The following EZR variants were observed in gnomAD, a reference collection of about 807,000 sequenced individuals.
EZR encodes the protein cytovillin 2.
A neutral mutation model predicts 74.8 loss-of-function variants in EZR; 40 were observed. The observed-to-expected ratio is 0.53, with a 90% CI of 0.42 to 0.70. The LOEUF (loss-of-function observed/expected upper bound fraction) is 0.70. EZR is among the 30% of genes least tolerant of loss of function. The pLI, the probability that EZR is intolerant of heterozygous loss-of-function variation, is 0.00. For missense variants in EZR, 678 were observed against 755.8 expected, an observed-to-expected ratio of 0.90 and a Z score of 1.21; for synonymous variants, 341 against 283.3, an observed-to-expected ratio of 1.20 and a Z score of -2.05.
At chr6:158,785,192 G>T in intron 5 of EZR, 117 bp downstream of exon 5, 2 of 1,280,312 alleles carry the variant, frequency 1.6e-6, no homozygotes, top group South Asian at 1.4e-5. Context: ...TAGCATGAAG[G>T]AGCACTTGAC....
intron 2 of EZR, among the ~76,000 whole-genome samples, chr6:158,806,369 T>C (rs1777338876): frequency 6.6e-6 from 1 of 152,192 alleles, no homozygotes; most frequent in Admixed American, 6.5e-5. Flanking sequence ...AAATATTCTA[T>C]TATGGAAAGT....
In EZR at chr6:158,813,081, G is replaced by A. The variant is rs537148435; in HGVS notation, c.12+5001C>T. ...TGTCACCTCCCAGTCAAAACCCCAA[G>A]TTAAACTAAAAAACACCCAAGAATG... On this transcript the variant is annotated intron_variant, in intron 2 of 13. Coordinates refer to ENST00000367075, the MANE Select transcript of EZR (RefSeq NM_001111077.2). Among the ~76,000 whole-genome samples the A allele has an allele frequency of 6.3e-4, 96 of 152,172 alleles. No homozygotes were observed. The Middle Eastern group carries it at 0.014, about 22-fold the overall frequency.
At chr6:158,779,763 C>T (rs578011770) in intron 7 of EZR, among the ~76,000 whole-genome samples, 2 of 152,142 alleles carry the variant, frequency 1.3e-5, no homozygotes, top group East Asian at 3.9e-4. Context: ...CGGGGTTTTG[C>T]CATGTTGGCA....
rs929133194 is a variant in EZR, at chr6:158,807,256, G to A, written c.12+10826C>T. On this transcript the variant is annotated intron_variant, in intron 2 of 13. Transcript: ENST00000367075. Reference sequence around the variant, plus strand: ...CGTGAACCCGGGAGGTGGAGCTTGCGGTGAGTCCAGATCACACCACTGCAC... The same window carrying A: ...CGTGAACCCGGGAGGTGGAGCTTGCAGTGAGTCCAGATCACACCACTGCAC... Among the ~76,000 whole-genome samples the A allele has an allele frequency of 1.1e-4, 17 of 151,426 alleles. 1 individual carries two copies. The highest frequency in any genetic ancestry group is 1.7e-4 in the African/African-American group (7 of 41,176).
Position 158,766,834 on chromosome 6 carries a change from G to A in EZR, c.*80C>T, listed in dbSNP as rs1030492982. 2 of 1,328,750 alleles carry A rather than the reference G, an allele frequency of 1.5e-6. No homozygotes were observed. The highest frequency in any genetic ancestry group is 2.3e-5 in the East Asian group (1 of 42,594). 82.3% of individuals were successfully genotyped at this position (1,328,750 alleles called of 1,614,324 possible). The stretch of plus-strand genomic sequence containing the variant: ...GGGATCTGAGGGAGTTCCTAGACTT[G>A]GAGCACTAAAGACACAAGCGTGGCG... On this transcript the variant is annotated 3_prime_UTR_variant, in exon 14 of 14. Transcript: ENST00000367075.
chr6:158,802,080 G>A lies in EZR; in HGVS notation c.13-12709C>T, dbSNP rs141388973. On this transcript the variant is annotated intron_variant, in intron 2 of 13. Coordinates refer to ENST00000367075, the MANE Select transcript of EZR (RefSeq NM_001111077.2). ...ACCAAAAAACGTAACCCACCACAACGTAGTGCCCTTTAGATTGAAACAATC... is the reference window on the plus strand; with the variant it reads ...ACCAAAAAACGTAACCCACCACAACATAGTGCCCTTTAGATTGAAACAATC... Among the ~76,000 whole-genome samples, 1,058 of 152,294 alleles carry A rather than the reference G, an allele frequency of 6.9e-3. 5 individuals carry two copies. Among genetic ancestry groups the A allele is most frequent in the Non-Finnish European group, 0.011 (777 of 68,020 alleles).
chr6:158,803,323 T>C (rs903230975), intron 2 of EZR, among the ~76,000 whole-genome samples: 3 of 151,414 alleles, frequency 2.0e-5, no homozygotes, highest in Non-Finnish European at 4.4e-5. Flanking sequence ...CGATACGAGG[T>C]ATACGGTTAT....
rs756945860 is a variant in EZR, at chr6:158,785,590, G to C, written c.193-7C>G. ...TGACCTCCTGGGCAGACACCTGCAC[G>C]AAACAAGCCACACTCTCCACACAAA... On this transcript the variant is annotated splice_region_variant and splice_polypyrimidine_tract_variant and intron_variant, in intron 4 of 13. Coordinates refer to ENST00000367075, the MANE Select transcript of EZR (RefSeq NM_001111077.2). 1 of 1,611,788 alleles carries C rather than the reference G, an allele frequency of 6.2e-7. No homozygotes were observed. The highest frequency in any genetic ancestry group is 8.5e-7 in the Non-Finnish European group (1 of 1,178,592).
At chr6:158,809,190 A>G (rs987505254) in intron 2 of EZR, among the ~76,000 whole-genome samples, 1 of 151,198 alleles carries the variant, frequency 6.6e-6, no homozygotes, top group African/African-American at 2.4e-5. Flanking sequence ...ATAGGTGGAG[A>G]CCGAGTTCTA....
intron 12 of EZR, among the ~76,000 whole-genome samples, chr6:158,768,987 T>G (rs3102976): frequency 0.66 from 99,796 of 151,990 alleles, 34,108 homozygotes; most frequent in Non-Finnish European, 0.74. Flanking sequence ...ATAATTAGAT[T>G]TAAAACCAGT....
intron 2 of EZR, 56 bp from the exon 3 acceptor site, chr6:158,789,427 A>G (rs1274782971): frequency 6.9e-7 from 1 of 1,441,790 alleles, no homozygotes; most frequent in South Asian, 1.1e-5. Flanking sequence ...TCTTCTAATA[A>G]CCTCCTGCAC....
intron 2 of EZR, among the ~76,000 whole-genome samples, chr6:158,805,706 A>T (rs530493671): frequency 5.3e-4 from 81 of 152,318 alleles, no homozygotes; most frequent in South Asian, 8.3e-4. Context: ...AATTAAAATT[A>T]AAAAAACTCT....
chr6:158,799,781 A>G (rs1054139459), intron 2 of EZR, among the ~76,000 whole-genome samples: 1 of 152,254 alleles, frequency 6.6e-6, no homozygotes, highest in Non-Finnish European at 1.5e-5. Context: ...AAAGCCCGAG[A>G]GGCAAGTGAA....
At chr6:158,814,169 C>A (rs1207422293) in intron 2 of EZR, among the ~76,000 whole-genome samples, 1 of 152,164 alleles carries the variant, frequency 6.6e-6, no homozygotes, top group African/African-American at 2.4e-5. Context: ...CCCAAATCAC[C>A]CTCCTTGGAC....
chr6:158,792,284 G>GCC (rs113032886), intron 2 of EZR, among the ~76,000 whole-genome samples: 1 of 151,356 alleles, frequency 6.6e-6, no homozygotes, highest in African/African-American at 2.4e-5. Flanking sequence ...CATCATCTCA[G>GCC]CACTGCAACC....
At chr6:158,774,669 TCAAACACACACACA>T (rs1388745356) in intron 8 of EZR, among the ~76,000 whole-genome samples, 5 of 73,652 alleles carry the variant, frequency 6.8e-5, no homozygotes, top group Non-Finnish European at 1.0e-4. Flanking sequence ...GGACTTATCA[TCAAACACACACACA>T]CACACACACA....
chr6:158,789,293 C>CAA lies in EZR; in HGVS notation c.89_90dup (p.Asp31LeufsTer5). 6.2e-7 allele frequency: 1 copy of CAA among 1,613,716 alleles called. No homozygotes were observed. Among genetic ancestry groups the CAA allele is most frequent in the Non-Finnish European group, 8.5e-7 (1 of 1,179,710 alleles). Reference sequence around the variant, plus strand: ...TCTCAAGTTCAGAGACCAACCTGATCAAAAAGCTGTTTTCCAGTTGTATTT... The same window carrying CAA: ...TCTCAAGTTCAGAGACCAACCTGATCAAAAAAAGCTGTTTTCCAGTTGTATTT... On this transcript the variant is annotated frameshift_variant, in exon 3 of 14. Transcript: ENST00000367075. LOFTEE classifies it high-confidence loss of function.
intron 2 of EZR, among the ~76,000 whole-genome samples, chr6:158,817,320 G>A (rs754173239): frequency 3.3e-5 from 5 of 152,168 alleles, no homozygotes; most frequent in Non-Finnish European, 5.9e-5. Context: ...CAGTCCCAGA[G>A]AACCTGCCTT....
chr6:158,796,129 C>T (rs531307046), intron 2 of EZR, among the ~76,000 whole-genome samples: 1 of 152,298 alleles, frequency 6.6e-6, no homozygotes, highest in East Asian at 1.9e-4. Context: ...TCTCTGACCA[C>T]TAGGAGAAAA....
Sources: allele counts gnomAD v4.1 joint callset (sites outside exome capture counted in the v4.1 genomes callset), GRCh38; gene constraint gnomAD v4.1.1; transcripts MANE v1.5; gene names NCBI Gene and HGNC (gene_info 2026-07-23, HGNC 2026-07-21).